EEA1: variants seen among roughly 807,000 people sequenced by gnomAD.
EEA1 encodes the protein early endosome antigen 1, 162kD.
Under a neutral mutation model 209.2 loss-of-function variants are expected in EEA1, and 111 were observed. The observed-to-expected ratio is 0.53, with a 90% CI of 0.45 to 0.62. The LOEUF (loss-of-function observed/expected upper bound fraction) is 0.62, where lower values mean the gene tolerates loss of function less well. Among genes scored for constraint, EEA1 ranks in the 20% least tolerant of loss-of-function variants. The pLI, the probability that EEA1 is intolerant of heterozygous loss-of-function variation, is 0.00. For synonymous variants in EEA1, 536 were observed against 540.6 expected (o/e 0.99, Z 0.12); for missense variants, 1,343 against 1,530.8 (o/e 0.88, Z 2.05).
At position 92,777,981 on chromosome 12, in the gene EEA1, C is replaced by T; in HGVS notation, c.3853G>A (p.Val1285Ile). The change falls in exon 26 of 29, where the codon GTT (valine) becomes ATT (isoleucine). Residue 1285 changes from valine to isoleucine, a missense_variant. By Grantham distance (29) the Val-to-Ile change is conservative (BLOSUM62 3). This residue lies in a region of EEA1 where 1,307 missense variants were observed against 1,465.5 expected (regional missense o/e 0.89). Coordinates refer to ENST00000322349, the MANE Select transcript of EEA1 (RefSeq NM_003566.4). ...RGEIAVLEAT[V>I]QNNQDERRAL... ...CTCCTTTCATCTTGATTATTCTGAA[C>T]CGTTGCTTCTAATACTGCAATTTCA... 1 of 1,613,250 alleles carries T rather than the reference C, an allele frequency of 6.2e-7. No homozygotes were observed. The highest frequency in any genetic ancestry group is 1.1e-5 in the South Asian group (1 of 91,060).
At chr12:92,839,261 G>A (rs950790195) in intron 10 of EEA1, among the ~76,000 whole-genome samples, 7 of 152,096 alleles carry the variant, frequency 4.6e-5, no homozygotes, top group South Asian at 2.1e-4. Flanking sequence ...ATAAAATCAC[G>A]CACAGGAAAA....
intron 2 of EEA1, among the ~76,000 whole-genome samples, chr12:92,890,386 G>T (rs1452378871): frequency 6.6e-6 from 1 of 152,052 alleles, no homozygotes; most frequent in Non-Finnish European, 1.5e-5. Context: ...AACAGGTATG[G>T]TATAGGTATG....
At chr12:92,805,359 C>T (rs1013696273) in intron 18 of EEA1, among the ~76,000 whole-genome samples, 1 of 152,044 alleles carries the variant, frequency 6.6e-6, no homozygotes, top group Non-Finnish European at 1.5e-5. Flanking sequence ...CATCATATCC[C>T]CAAACAAGGA....
At chr12:92,904,147 G>A (rs972942277) in intron 1 of EEA1, among the ~76,000 whole-genome samples, 6 of 152,076 alleles carry the variant, frequency 3.9e-5, no homozygotes, top group Non-Finnish European at 8.8e-5. Context: ...TTTTAGTAGA[G>A]ACGGGGTTTC....
chr12:92,776,207 C>CTACATTATGT (rs1873652500), intron 28 of EEA1, 74 bp from the exon 29 acceptor site: 2 of 1,390,034 alleles, frequency 1.4e-6, no homozygotes, highest in Non-Finnish European at 1.9e-6. Context: ...ACATGAATAC[C>CTACATTATGT]ACCAACTACA....
chr12:92,797,571 C>T (rs1200997463), intron 21 of EEA1, among the ~76,000 whole-genome samples: 1 of 151,946 alleles, frequency 6.6e-6, no homozygotes, highest in Non-Finnish European at 1.5e-5. Context: ...AATAAGAAAA[C>T]ATGCTAAAAA....
At chr12:92,776,597 T>G (rs1005483173) in intron 28 of EEA1, among the ~76,000 whole-genome samples, 1 of 151,926 alleles carries the variant, frequency 6.6e-6, no homozygotes, top group East Asian at 1.9e-4. Flanking sequence ...ATTGGTGCAC[T>G]GATTCAGAAA....
chr12:92,842,610 A>C (rs1436138872), intron 9 of EEA1, 29 bp from the exon 10 acceptor site: 1 of 1,263,820 alleles, frequency 7.9e-7, no homozygotes, highest in East Asian at 2.4e-5. Context: ...ACAAAAATTA[A>C]AGCAAACTAA....
At chr12:92,884,559 T>C (rs1879300344) in intron 2 of EEA1, 13 of 1,492,300 alleles carry the variant, frequency 8.7e-6, no homozygotes, top group Non-Finnish European at 1.2e-5. Context: ...TCTTCAAATT[T>C]TGGACCCATG....
In EEA1 at chr12:92,929,117, G is replaced by A; in HGVS notation, c.-51C>T. 1.3e-6 allele frequency: 2 copies of A among 1,555,960 alleles called. No individual in the cohort carries two copies. Among genetic ancestry groups the A allele is most frequent in the Non-Finnish European group, 1.7e-6 (2 of 1,150,440 alleles). ...GCGGTGACTCTCCAGACCCTGCGCG[G>A]GGCCACTCACTACTCGGGGTGCGCG... On this transcript the variant is annotated 5_prime_UTR_variant, in exon 1 of 29. Transcript: ENST00000322349.
intron 21 of EEA1, among the ~76,000 whole-genome samples, chr12:92,790,774 A>C: frequency 6.6e-6 from 1 of 152,136 alleles, no homozygotes; most frequent in Non-Finnish European, 1.5e-5. Flanking sequence ...TACAGAGAAC[A>C]CCACAAAGAT....
intron 2 of EEA1, among the ~76,000 whole-genome samples, chr12:92,881,554 A>G (rs1879144146): frequency 6.6e-6 from 1 of 152,236 alleles, no homozygotes; most frequent in African/African-American, 2.4e-5. Flanking sequence ...GAGAAGCACA[A>G]GAAAGACTGC....
In EEA1 at chr12:92,928,610, G is replaced by T. The variant is rs989673341; in HGVS notation, c.24+433C>A. Among the ~76,000 whole-genome samples, 9 of 152,150 alleles carry T rather than the reference G, an allele frequency of 5.9e-5. No homozygotes were observed. In the East Asian group the frequency reaches 1.2e-3, roughly 20 times the overall value. Reference sequence around the variant, plus strand: ...ATCGTGTCAAATTGGGGGGCACGGGGAGTGCGGCGGGTGGGGAAAGGCGAA... The same window carrying T: ...ATCGTGTCAAATTGGGGGGCACGGGTAGTGCGGCGGGTGGGGAAAGGCGAA... On this transcript the variant is annotated intron_variant, in intron 1 of 28. Transcript: ENST00000322349.
At chr12:92,878,104 G>T (rs529636509) in intron 2 of EEA1, among the ~76,000 whole-genome samples, 15 of 152,158 alleles carry the variant, frequency 9.9e-5, no homozygotes, top group African/African-American at 3.6e-4. Context: ...AGCAGAAACA[G>T]AAAGAAGAAG....
intron 9 of EEA1, among the ~76,000 whole-genome samples, chr12:92,849,836 A>C (rs548131935): frequency 1.7e-4 from 26 of 152,330 alleles, no homozygotes; most frequent in African/African-American, 6.3e-4. Flanking sequence ...AGAGATTCAA[A>C]TTAAAATGTT....
intron 11 of EEA1, among the ~76,000 whole-genome samples, chr12:92,832,057 G>A (rs1442992868): frequency 6.8e-6 from 1 of 146,786 alleles, no homozygotes; most frequent in Non-Finnish European, 1.5e-5. Flanking sequence ...ACTGCAGTCC[G>A]CAGTCCGGCC....
chr12:92,776,255 T>C, intron 28 of EEA1, 122 bp from the exon 29 acceptor site: 1 of 856,926 alleles, frequency 1.2e-6, no homozygotes. Flanking sequence ...ATTGGTATAT[T>C]ATTTAATGAT....
Position 92,798,883 on chromosome 12 carries a change from T to C in EEA1, c.2967+9A>G, listed in dbSNP as rs747662753. The stretch of plus-strand genomic sequence containing the variant: ...TCTTCCTATAAAAAGTAAACAAATA[T>C]ATCACTACCTTCTGTAAAACAGCAA... On this transcript the variant is annotated intron_variant, in intron 21 of 28. Coordinates refer to ENST00000322349, the MANE Select transcript of EEA1 (RefSeq NM_003566.4). 9.6e-6 allele frequency: 15 copies of C among 1,561,776 alleles called. No homozygotes were observed. Among genetic ancestry groups the C allele is most frequent in the African/African-American group, 1.4e-5 (1 of 72,280 alleles).
At chr12:92,881,077 A>C (rs931565451) in intron 2 of EEA1, among the ~76,000 whole-genome samples, 3 of 152,132 alleles carry the variant, frequency 2.0e-5, no homozygotes, top group Non-Finnish European at 4.4e-5. Flanking sequence ...ATCAGGGATG[A>C]GGTAGTCCTC....
Sources: allele counts gnomAD v4.1 joint callset (sites outside exome capture counted in the v4.1 genomes callset), GRCh38; gene constraint gnomAD v4.1.1; regional missense constraint gnomAD v4.1.1; transcripts MANE v1.5; gene names NCBI Gene and HGNC (gene_info 2026-07-23, HGNC 2026-07-21).